The following TNFSF4 variants were observed in gnomAD, a reference collection of about 807,000 sequenced individuals.
TNFSF4 encodes tumor necrosis factor ligand superfamily member 4.
A neutral mutation model predicts 7.3 loss-of-function variants in TNFSF4; 4 were observed. That is an observed-to-expected ratio of 0.55 (90% confidence interval 0.27 to 1.25). The LOEUF (loss-of-function observed/expected upper bound fraction) is 1.25, where lower values mean the gene tolerates loss of function less well. Among genes scored for constraint, TNFSF4 ranks in the 50% most tolerant of loss-of-function variants. The pLI is 0.12. For synonymous variants in TNFSF4, 76 were observed against 83.7 expected, an observed-to-expected ratio of 0.91 and a Z score of 0.50; for missense variants, 181 against 208.8, an observed-to-expected ratio of 0.87 and a Z score of 0.82.
chr1:173,254,355 GA>G, the TNFSF4 span, among the ~76,000 whole-genome samples: 17 of 152,080 alleles, frequency 1.1e-4, no homozygotes, highest in East Asian at 2.3e-3. Flanking sequence ...AAATAGTAGG[GA>G]AAAAAATGGC....
Position 173,191,085 on chromosome 1 carries a change from T to G in TNFSF4, c.154-2516A>C, listed in dbSNP as rs551332195. Among the ~76,000 whole-genome samples, 117 of 152,352 alleles carry G rather than the reference T, an allele frequency of 7.7e-4. 1 individual carries two copies. Among genetic ancestry groups the G allele is most frequent in the Non-Finnish European group, 1.4e-3 (95 of 68,030 alleles). ...GCCCTTGTGATTTGATTATTTTGAC[T>G]GACTTTGCAAAGATCTCCAAAAATA... On this transcript the variant is annotated intron_variant, in intron 1 of 2. Coordinates refer to ENST00000281834, the MANE Select transcript of TNFSF4 (RefSeq NM_003326.5).
chr1:173,185,915 C>G lies in TNFSF4; in HGVS notation c.*601G>C, dbSNP rs1442147371. ...AGCACGTGGTATTTCTTAGACGGCT[C>G]TCTTCAAGTCCTGATTTTTCACAAG... On this transcript the variant is annotated 3_prime_UTR_variant, in exon 3 of 3. Coordinates refer to ENST00000281834, the MANE Select transcript of TNFSF4 (RefSeq NM_003326.5). 1 of 152,158 alleles carries G rather than the reference C, an allele frequency of 6.6e-6. No individual in the cohort carries two copies. The highest frequency in any genetic ancestry group is 1.9e-4 in the East Asian group (1 of 5,184). The allele number at this position is 152,158 out of a possible 1,614,324, so 9.4% of individuals were successfully genotyped here.
the TNFSF4 span, among the ~76,000 whole-genome samples, chr1:173,414,738 G>C: frequency 6.6e-6 from 1 of 152,232 alleles, no homozygotes; most frequent in Non-Finnish European, 1.5e-5. Context: ...GAATAACCCA[G>C]ATATATCCAC....
the TNFSF4 span, among the ~76,000 whole-genome samples, chr1:173,303,823 A>G: frequency 3.3e-5 from 5 of 151,822 alleles, no homozygotes; most frequent in Non-Finnish European, 5.9e-5. Flanking sequence ...ACTGTTCTCT[A>G]ACCATTTTTT....
At chr1:173,282,552 A>G in the TNFSF4 span, among the ~76,000 whole-genome samples, 13 of 151,726 alleles carry the variant, frequency 8.6e-5, no homozygotes. Context: ...TCCACCTCCC[A>G]GGTTCAAGTG....
the TNFSF4 span, among the ~76,000 whole-genome samples, chr1:173,258,970 A>C: frequency 6.6e-6 from 1 of 152,078 alleles, no homozygotes; most frequent in Non-Finnish European, 1.5e-5. Flanking sequence ...TCAGCACAGC[A>C]CACCCACTCC....
the TNFSF4 span, among the ~76,000 whole-genome samples, chr1:173,441,327 T>C: frequency 6.6e-6 from 1 of 152,008 alleles, no homozygotes; most frequent in Admixed American, 6.6e-5. Flanking sequence ...TTCCTCTCCT[T>C]CCTTATAGCT....
chr1:173,253,901 C>G, the TNFSF4 span, among the ~76,000 whole-genome samples: 5 of 152,176 alleles, frequency 3.3e-5, no homozygotes, highest in Admixed American at 2.0e-4. Flanking sequence ...ATGCAGCCAG[C>G]AGTCTATCTT....
At chr1:173,262,632 T>C in the TNFSF4 span, among the ~76,000 whole-genome samples, 1 of 137,212 alleles carries the variant, frequency 7.3e-6, no homozygotes, top group East Asian at 2.2e-4. Context: ...AGATGGAGTC[T>C]CGCTCTGTCG....
At chr1:173,413,175 T>C in the TNFSF4 span, among the ~76,000 whole-genome samples, 1 of 152,180 alleles carries the variant, frequency 6.6e-6, no homozygotes, top group Non-Finnish European at 1.5e-5. Context: ...GCCTTACCTT[T>C]AGCAAGTGGA....
chr1:173,302,619 C>T, the TNFSF4 span, among the ~76,000 whole-genome samples: 2 of 151,960 alleles, frequency 1.3e-5, no homozygotes, highest in Admixed American at 1.3e-4. Context: ...ACTTCCAATC[C>T]CATACTGTTT....
the TNFSF4 span, among the ~76,000 whole-genome samples, chr1:173,348,763 T>C: frequency 0.3 from 46,283 of 152,068 alleles, 7,241 homozygotes; most frequent in East Asian, 0.35. Flanking sequence ...GAAGATACTA[T>C]GAACAACCAA....
the TNFSF4 span, among the ~76,000 whole-genome samples, chr1:173,371,548 G>A: frequency 6.6e-6 from 1 of 152,032 alleles, no homozygotes; most frequent in Non-Finnish European, 1.5e-5. Context: ...TATCCCTTAA[G>A]ACCTGAAGCT....
the TNFSF4 span, among the ~76,000 whole-genome samples, chr1:173,323,158 C>A: frequency 6.6e-6 from 1 of 152,216 alleles, no homozygotes; most frequent in South Asian, 2.1e-4. Context: ...ACTGACACCT[C>A]ACACGGCCGG....
chr1:173,338,865 A>G, the TNFSF4 span, among the ~76,000 whole-genome samples: 1,403 of 152,312 alleles, frequency 9.2e-3, 23 homozygotes, highest in African/African-American at 0.033. Flanking sequence ...GCATGTAAAA[A>G]AGGAAGTTAC....
the TNFSF4 span, among the ~76,000 whole-genome samples, chr1:173,278,851 CA>C: frequency 3.9e-5 from 6 of 152,150 alleles, no homozygotes; most frequent in East Asian, 1.2e-3. Context: ...TAAAAGCACC[CA>C]AAGCCCTATA....
At chr1:173,306,451 G>A in the TNFSF4 span, among the ~76,000 whole-genome samples, 23 of 151,936 alleles carry the variant, frequency 1.5e-4, no homozygotes, top group Non-Finnish European at 3.1e-4. Context: ...GGTGGGAAGA[G>A]GCATGGGTAA....
At chr1:173,430,145 G>A in the TNFSF4 span, among the ~76,000 whole-genome samples, 1 of 152,250 alleles carries the variant, frequency 6.6e-6, no homozygotes, top group East Asian at 1.9e-4. Flanking sequence ...TGGAACGCGG[G>A]GTCTAAGCAC....
the TNFSF4 span, among the ~76,000 whole-genome samples, chr1:173,380,611 A>G: frequency 6.6e-6 from 1 of 152,084 alleles, no homozygotes; most frequent in Admixed American, 6.6e-5. Flanking sequence ...CACCCCTGGG[A>G]CACCCTGCAG....
Sources: gnomAD v4.1 joint callset for allele counts (sites outside exome capture counted in the v4.1 genomes callset) on GRCh38, gnomAD v4.1.1 for gene constraint, MANE v1.5 for transcripts, NCBI Gene and HGNC (gene_info 2026-07-23, HGNC 2026-07-21) for gene names.